The following FGF12 variants were observed in gnomAD, a reference collection of about 807,000 sequenced individuals.
The protein encoded by FGF12 is fibroblast growth factor 12.
In FGF12, 14 loss-of-function variants were observed where a neutral mutation model predicts 23.6. The observed-to-expected ratio is 0.59, with a 90% CI of 0.39 to 0.93. The LOEUF (loss-of-function observed/expected upper bound fraction) is 0.93, where lower values mean the gene tolerates loss of function less well. Ranked by LOEUF, FGF12 falls within the 40% of genes least tolerant of loss-of-function variation. The pLI is 0.00. For missense variants in FGF12, 175 were observed against 217.8 expected (o/e 0.80, Z 1.24); for synonymous variants, 62 against 77.3 (o/e 0.80, Z 1.04).
intron 4 of FGF12, among the ~76,000 whole-genome samples, chr3:192,246,618 G>T: frequency 6.6e-6 from 1 of 152,058 alleles, no homozygotes; most frequent in East Asian, 1.9e-4. Context: ...GAGGTCAGGA[G>T]TTCTAGACCA....
At chr3:192,334,974 A>T (rs1287844264) in intron 4 of FGF12, among the ~76,000 whole-genome samples, 1 of 152,144 alleles carries the variant, frequency 6.6e-6, no homozygotes, top group South Asian at 2.1e-4. Flanking sequence ...CCATGGTAGG[A>T]CAGAGACTAT....
chr3:192,360,370 A>T lies in FGF12; in HGVS notation c.124+58T>A. ...AGCTTAGCAATGCTTTAAGTATAAGATACACTGGGCCCTACATTTGATTTG... is the reference window on the plus strand; with the variant it reads ...AGCTTAGCAATGCTTTAAGTATAAGTTACACTGGGCCCTACATTTGATTTG... On this transcript the variant is annotated intron_variant, in intron 3 of 5. Coordinates refer to ENST00000445105, the MANE Select transcript of FGF12 (RefSeq NM_004113.6). The surrounding 1 kb of genome is among the most constrained non-coding windows in gnomAD (Gnocchi z 4.3). 1.7e-6 allele frequency: 2 copies of T among 1,207,586 alleles called. No individual in the cohort carries two copies. The highest frequency in any genetic ancestry group is 2.5e-6 in the Non-Finnish European group (2 of 811,178). The allele number at this position is 1,207,586 out of a possible 1,614,324, so 74.8% of individuals were successfully genotyped here. A position where few individuals can be genotyped will look rare whatever the true frequency, so the allele number is the denominator to read the frequency against.
intron 2 of FGF12, among the ~76,000 whole-genome samples, chr3:192,461,210 C>A (rs1576996225): frequency 6.6e-6 from 1 of 152,116 alleles, no homozygotes. Flanking sequence ...TTGAATTACA[C>A]TGGGAGGAAC....
chr3:192,328,451 A>G (rs545434446), intron 4 of FGF12, among the ~76,000 whole-genome samples: 83 of 152,206 alleles, frequency 5.5e-4, no homozygotes, highest in Non-Finnish European at 9.7e-4. Flanking sequence ...GTATTATCAC[A>G]TGTTGGTACC....
intron 4 of FGF12, among the ~76,000 whole-genome samples, chr3:192,190,627 C>T: frequency 6.6e-6 from 1 of 151,802 alleles, no homozygotes; most frequent in Non-Finnish European, 1.5e-5. Context: ...AGGTGCCCGC[C>T]ACCGCGCCCG....
chr3:192,581,929 G>C (rs1314305234), intron 2 of FGF12, among the ~76,000 whole-genome samples: 4 of 152,076 alleles, frequency 2.6e-5, no homozygotes, highest in Non-Finnish European at 5.9e-5. Context: ...ACTCTCTTCA[G>C]GGTACTCAAA....
At position 192,446,905 on chromosome 3, in the gene FGF12, G is replaced by A. The variant is rs78525752; in HGVS notation, c.14-86367C>T. Among the ~76,000 whole-genome samples, 909 of 152,038 alleles carry A rather than the reference G, an allele frequency of 6.0e-3. 9 individuals are homozygous for A. The highest frequency in any genetic ancestry group is 0.02 in the African/African-American group (811 of 41,446). On this transcript the variant is annotated intron_variant, in intron 2 of 5. Transcript: ENST00000445105. Reference sequence around the variant, plus strand: ...TCCCTAATCCTTCGTTCTCACTCCCGTCCACCATCACGTGTCCTGTCCTTT... The same window carrying A: ...TCCCTAATCCTTCGTTCTCACTCCCATCCACCATCACGTGTCCTGTCCTTT...
chr3:192,669,150 A>G (rs1255840086), intron 2 of FGF12, among the ~76,000 whole-genome samples: 1 of 152,210 alleles, frequency 6.6e-6, no homozygotes, highest in Non-Finnish European at 1.5e-5. Flanking sequence ...TATATGTTAG[A>G]GTAGAATATT....
chr3:192,338,145 T>C (rs1577367107), intron 3 of FGF12, among the ~76,000 whole-genome samples: 1 of 152,142 alleles, frequency 6.6e-6, no homozygotes, highest in Non-Finnish European at 1.5e-5. Context: ...TATTTTTCTT[T>C]TTTGACAGAG....
intron 2 of FGF12, among the ~76,000 whole-genome samples, chr3:192,620,975 ACTC>A (rs1157550102): frequency 1.3e-5 from 2 of 152,110 alleles, no homozygotes; most frequent in Non-Finnish European, 2.9e-5. Context: ...GCATCATCTG[ACTC>A]TAACATACTA....
intron 2 of FGF12, among the ~76,000 whole-genome samples, chr3:192,641,698 G>T (rs1310089900): frequency 6.6e-6 from 1 of 152,160 alleles, no homozygotes; most frequent in Non-Finnish European, 1.5e-5. Flanking sequence ...GAGCCACAGT[G>T]CCTGGCCGGC....
chr3:192,441,884 T>TA (rs1293110851), intron 2 of FGF12, among the ~76,000 whole-genome samples: 1 of 152,230 alleles, frequency 6.6e-6, no homozygotes, highest in Non-Finnish European at 1.5e-5. Context: ...TCCATACTTG[T>TA]ACCAGAATTT....
At chr3:192,391,025 T>G (rs767949847) in intron 2 of FGF12, among the ~76,000 whole-genome samples, 14 of 152,142 alleles carry the variant, frequency 9.2e-5, no homozygotes, top group Non-Finnish European at 2.9e-5. Flanking sequence ...CAGATGTTAA[T>G]CTGTGGCTCA....
chr3:192,392,609 AG>A (rs1373385598), intron 2 of FGF12, among the ~76,000 whole-genome samples: 1 of 111,608 alleles, frequency 9.0e-6, no homozygotes, highest in Non-Finnish European at 1.9e-5. Context: ...AGAGAGAGAG[AG>A]AGAGAGAGAG....
intron 2 of FGF12, among the ~76,000 whole-genome samples, chr3:192,496,690 G>A (rs552819006): frequency 5.3e-5 from 8 of 152,100 alleles, no homozygotes; most frequent in South Asian, 4.2e-4. Flanking sequence ...CTTCTCCGTC[G>A]AAACTGCTCA....
At chr3:192,377,223 C>T (rs565772514) in intron 2 of FGF12, among the ~76,000 whole-genome samples, 8 of 152,306 alleles carry the variant, frequency 5.3e-5, no homozygotes, top group Non-Finnish European at 7.4e-5. Flanking sequence ...TCTGTACAGG[C>T]CCCTGCCTGC....
intron 4 of FGF12, among the ~76,000 whole-genome samples, chr3:192,299,692 A>T (rs150955186): frequency 6.6e-6 from 1 of 152,134 alleles, no homozygotes; most frequent in Non-Finnish European, 1.5e-5. Flanking sequence ...ATGTTCTATA[A>T]ATTCTTGTTA....
At position 192,677,292 on chromosome 3, in the gene FGF12, T is replaced by C. The variant is rs575389104; in HGVS notation, c.13+49889A>G. On this transcript the variant is annotated intron_variant, in intron 2 of 5. Coordinates refer to ENST00000445105, the MANE Select transcript of FGF12 (RefSeq NM_004113.6). ...AAGTAAGCCCCACATTGATAATAAC[T>C]GGTGAACTTCAGGGTTGAGATGACC... Among the ~76,000 whole-genome samples the C allele has an allele frequency of 2.0e-5, 3 of 152,326 alleles. No individual in the cohort carries two copies. The East Asian group carries it at 5.8e-4, about 29-fold the overall frequency.
chr3:192,509,878 A>G (rs952292173), intron 2 of FGF12, among the ~76,000 whole-genome samples: 2 of 152,212 alleles, frequency 1.3e-5, no homozygotes, highest in Non-Finnish European at 2.9e-5. Flanking sequence ...TTTCCATTAA[A>G]TCTTATTATT....
Sources: allele counts gnomAD v4.1 joint callset (sites outside exome capture counted in the v4.1 genomes callset), GRCh38; gene constraint gnomAD v4.1.1; non-coding constraint Gnocchi (gnomAD v3.1); transcripts MANE v1.5; gene names NCBI Gene and HGNC (gene_info 2026-07-23, HGNC 2026-07-21).